TBL1Y: variants seen among roughly 807,000 people sequenced by gnomAD.
TBL1Y encodes transducin beta like 1 Y-linked, also known as F-box-like/WD repeat-containing protein TBL1Y.
A neutral mutation model predicts 12.0 loss-of-function variants in TBL1Y; 15 were observed. The ratio of observed to expected loss-of-function variants is 1.25; its 90% CI spans 0.83 to 1.92. TBL1Y has a LOEUF of 1.92. Ranked by LOEUF, TBL1Y falls within the 40% of genes most tolerant of loss-of-function variation. The pLI is 0.00. For missense variants in TBL1Y, 148 were observed against 116.7 expected (o/e 1.27, Z -1.24); for synonymous variants, 53 against 42.6 (o/e 1.24, Z -0.95).
chrY:7,010,774 A>G (rs2012515313), intron 4 of TBL1Y, among the ~76,000 whole-genome samples: 1 of 32,614 alleles, frequency 3.1e-5, no homozygotes, highest in African/African-American at 1.2e-4. Flanking sequence ...GCCTCTGCTA[A>G]TAACACAAAA....
At chrY:6,939,975 C>T (rs768449247) in intron 2 of TBL1Y, among the ~76,000 whole-genome samples, 1 of 28,637 alleles carries the variant, frequency 3.5e-5, no homozygotes, top group East Asian at 8.8e-4. Context: ...TCTGGCTGGG[C>T]GCGGCAGCTC....
At chrY:7,036,220 G>A in intron 6 of TBL1Y, among the ~76,000 whole-genome samples, 2 of 33,625 alleles carry the variant, frequency 5.9e-5, no homozygotes. Flanking sequence ...TTCATCATGA[G>A]TATTTTCAGC....
chrY:6,968,321 T>C (rs2124121020), intron 2 of TBL1Y, among the ~76,000 whole-genome samples: 1 of 33,005 alleles, frequency 3.0e-5, no homozygotes, highest in African/African-American at 1.2e-4. Flanking sequence ...ACAGAGAGCT[T>C]GGGGTGACTG....
intron 2 of TBL1Y, among the ~76,000 whole-genome samples, chrY:6,959,919 G>C: frequency 3.0e-5 from 1 of 33,522 alleles, no homozygotes; most frequent in Non-Finnish European, 7.4e-5. Context: ...TGATCTGTTT[G>C]AGTCTGAGAA....
chrY:6,983,572 T>C, intron 3 of TBL1Y, among the ~76,000 whole-genome samples: 1 of 33,607 alleles, frequency 3.0e-5, no homozygotes, highest in Non-Finnish European at 7.3e-5. Context: ...TTGAAAATAT[T>C]AATCATTATG....
chrY:7,009,662 C>T, intron 4 of TBL1Y, among the ~76,000 whole-genome samples: 1 of 33,135 alleles, frequency 3.0e-5, no homozygotes, highest in South Asian at 6.9e-4. Context: ...AAAAGCAGAA[C>T]GCTGTGATAA....
intron 2 of TBL1Y, among the ~76,000 whole-genome samples, chrY:6,969,592 A>G (rs1197938814): frequency 6.0e-5 from 2 of 33,435 alleles, no homozygotes; most frequent in African/African-American, 1.2e-4. Context: ...AGTATAAATA[A>G]GGTCCTCAGA....
intron 13 of TBL1Y, among the ~76,000 whole-genome samples, chrY:7,077,147 C>G: frequency 3.0e-5 from 1 of 33,162 alleles, no homozygotes. Flanking sequence ...AGTCTTTATA[C>G]AAGTCTACAG....
intron 5 of TBL1Y, among the ~76,000 whole-genome samples, chrY:7,023,254 G>A: frequency 3.1e-5 from 1 of 32,703 alleles, no homozygotes; most frequent in Admixed American, 3.0e-4. Context: ...GGCTTAGAAA[G>A]TGAAGGCTTA....
chrY:6,912,010 A>G (rs2011699063), intron 1 of TBL1Y, 78 bp from the exon 2 acceptor site: 1 of 34,338 alleles, frequency 2.9e-5, no homozygotes, highest in African/African-American at 1.1e-4. Context: ...AGCAAAACCT[A>G]GTAAGAAACA....
In TBL1Y at chrY:7,087,321, C is replaced by A; in HGVS notation, c.1335C>A (p.Thr445=). ...GGGATGTGGAGCAAGGTGTCTGCAC[C>A]CACACACTCATGAAGCATCAAGAGC... is the stretch of plus-strand genomic sequence containing the variant. ...RLWDVEQGVC[T]HTLMKHQEPV... is the part of the protein sequence containing the mutation. Residue 445 remains threonine, a synonymous_variant, in exon 17 of 19, where the codon ACC becomes ACA. Coordinates refer to ENST00000383032, the MANE Select transcript of TBL1Y (RefSeq NM_033284.2). 5.1e-6 allele frequency: 2 copies of A among 391,850 alleles called. No individual in the cohort carries two copies. The highest frequency in any genetic ancestry group is 7.1e-6 in the Non-Finnish European group (2 of 281,518).
chrY:7,032,451 A>C, intron 6 of TBL1Y, among the ~76,000 whole-genome samples: 2 of 33,598 alleles, frequency 6.0e-5, no homozygotes, highest in Admixed American at 2.7e-4. Flanking sequence ...CTTAGAGTGA[A>C]TTATAATTAG....
At chrY:6,968,431 C>CA (rs2124121106) in intron 2 of TBL1Y, among the ~76,000 whole-genome samples, 1 of 33,627 alleles carries the variant, frequency 3.0e-5, no homozygotes, top group African/African-American at 1.2e-4. Flanking sequence ...ATTGTACATT[C>CA]AAAAGGTTGA....
intron 4 of TBL1Y, among the ~76,000 whole-genome samples, chrY:7,014,588 G>A (rs753945363): frequency 9.1e-5 from 3 of 32,908 alleles, no homozygotes; most frequent in African/African-American, 3.5e-4. Context: ...TAGTTTTCTA[G>A]TTCACTTATG....
intron 8 of TBL1Y, among the ~76,000 whole-genome samples, chrY:7,064,906 G>A (rs746611267): frequency 2.4e-4 from 8 of 33,520 alleles, no homozygotes; most frequent in Admixed American, 5.5e-4. Flanking sequence ...TTAAAATAGT[G>A]TGACATAAAG....
At chrY:7,048,637 G>T (rs1022070234) in intron 7 of TBL1Y, among the ~76,000 whole-genome samples, 90 of 31,003 alleles carry the variant, frequency 2.9e-3, no homozygotes, top group African/African-American at 0.01. Context: ...GCATAGCTAG[G>T]GGTGTGGCCA....
chrY:7,075,931 CT>C (rs373310348), intron 13 of TBL1Y, among the ~76,000 whole-genome samples: 36 of 25,974 alleles, frequency 1.4e-3, no homozygotes, highest in Middle Eastern at 0.017. Flanking sequence ...TCCTCTAATT[CT>C]TTTTTTTTTT....
chrY:7,025,323 C>G (rs1013473860), intron 6 of TBL1Y, among the ~76,000 whole-genome samples, 181 bp downstream of exon 6: 2 of 33,550 alleles, frequency 6.0e-5, no homozygotes, highest in Admixed American at 2.7e-4. Flanking sequence ...CGATAATGAC[C>G]CTAGTGGACT....
intron 8 of TBL1Y, among the ~76,000 whole-genome samples, chrY:7,068,572 T>C: frequency 9.4e-5 from 3 of 31,757 alleles, no homozygotes; most frequent in African/African-American, 3.7e-4. Context: ...GTCTAGACTG[T>C]GTCAATGCAT....
Sources: gnomAD v4.1 joint callset for allele counts (sites outside exome capture counted in the v4.1 genomes callset) on GRCh38, gnomAD v4.1.1 for gene constraint, MANE v1.5 for transcripts, NCBI Gene and HGNC (gene_info 2026-07-23, HGNC 2026-07-21) for gene names.